FGF14: variants seen among roughly 807,000 people sequenced by gnomAD.
FGF14 encodes the protein fibroblast growth factor 14, also known as fibroblast growth factor homologous factor 4.
In FGF14, 5 loss-of-function variants were observed where a neutral mutation model predicts 25.5. That is an observed-to-expected ratio of 0.20 (90% confidence interval 0.10 to 0.41). The LOEUF is 0.41. Among genes scored for constraint, FGF14 ranks in the 10% least tolerant of loss-of-function variants. FGF14 has a pLI of 1.00. For synonymous variants in FGF14, 138 were observed against 118.3 expected (o/e 1.17, Z -1.08); for missense variants, 222 against 320.1 (o/e 0.69, Z 2.34).
intron 3 of FGF14, among the ~76,000 whole-genome samples, chr13:101,862,311 A>T (rs1251334743): frequency 6.6e-6 from 1 of 151,698 alleles, no homozygotes; most frequent in Non-Finnish European, 1.5e-5. Flanking sequence ...AAAGCATCTG[A>T]CTACTGCTGT....
rs2034616515 is a variant in FGF14, at chr13:101,714,315, TA to T, written c.*8515del. On this transcript the variant is annotated 3_prime_UTR_variant, in exon 5 of 5. Coordinates refer to ENST00000376143, the MANE Select transcript of FGF14 (RefSeq NM_004115.4). ...CCCCTCTGAGAAACCAGCCATTCAA[TA>T]CACTTTTACCTTTGGATGATGGGTT... The T allele has an allele frequency of 2.9e-6, 2 of 691,930 alleles. No homozygotes were observed. Among genetic ancestry groups the T allele is most frequent in the Admixed American group, 2.3e-5 (1 of 44,042 alleles). 42.9% of individuals were successfully genotyped at this position (691,930 alleles called of 1,614,324 possible).
At chr13:102,268,488 A>C (rs988047979) in intron 1 of FGF14, among the ~76,000 whole-genome samples, 1 of 152,048 alleles carries the variant, frequency 6.6e-6, no homozygotes, top group African/African-American at 2.4e-5. Context: ...ATAATACATT[A>C]TATACATATA....
intron 1 of FGF14, among the ~76,000 whole-genome samples, chr13:102,267,206 T>C (rs954605054): frequency 6.6e-6 from 1 of 152,198 alleles, no homozygotes. Flanking sequence ...ATTATGTCCA[T>C]GAGGCAGATG....
At chr13:102,262,112 C>A (rs191345690) in intron 1 of FGF14, among the ~76,000 whole-genome samples, 1 of 152,146 alleles carries the variant, frequency 6.6e-6, no homozygotes, top group Non-Finnish European at 1.5e-5. Context: ...TTTAGTATCA[C>A]ACTATTGGGA....
At chr13:101,998,097 T>A (rs1056438913) in intron 1 of FGF14, among the ~76,000 whole-genome samples, 1 of 152,128 alleles carries the variant, frequency 6.6e-6, no homozygotes, top group Non-Finnish European at 1.5e-5. Context: ...CTAATTGGGT[T>A]AAGATATCAT....
intron 1 of FGF14, among the ~76,000 whole-genome samples, chr13:102,113,799 G>T (rs1288451242): frequency 6.6e-6 from 1 of 152,144 alleles, no homozygotes; most frequent in Non-Finnish European, 1.5e-5. Flanking sequence ...TTACACTGAA[G>T]AAAACTATTT....
intron 1 of FGF14, among the ~76,000 whole-genome samples, chr13:102,240,941 G>A (rs1032287894): frequency 1.3e-4 from 20 of 152,048 alleles, no homozygotes; most frequent in African/African-American, 4.6e-4. Flanking sequence ...ATCATTAGGA[G>A]AAAAGGCAAA....
intron 1 of FGF14, among the ~76,000 whole-genome samples, chr13:102,269,432 A>C (rs961414084): frequency 2.0e-5 from 3 of 152,230 alleles, no homozygotes; most frequent in African/African-American, 7.2e-5. Flanking sequence ...CTCTTATAAA[A>C]ACAGTATTAA....
At chr13:101,971,866 G>A (rs2037616402) in intron 1 of FGF14, among the ~76,000 whole-genome samples, 1 of 152,180 alleles carries the variant, frequency 6.6e-6, no homozygotes, top group South Asian at 2.1e-4. Context: ...ATAACACAGT[G>A]CAGCCAATAC....
intron 1 of FGF14, among the ~76,000 whole-genome samples, chr13:101,995,836 G>C (rs1328603195): frequency 6.6e-6 from 1 of 152,138 alleles, no homozygotes; most frequent in East Asian, 1.9e-4. Flanking sequence ...ATAGAGGGTA[G>C]AAGAATTGTT....
rs146647051 is a variant in FGF14 at position 102,330,739 on chromosome 13, T to C, written c.208+70732A>G. Among the ~76,000 whole-genome samples, 824 of 152,218 alleles carry C rather than the reference T, an allele frequency of 5.4e-3. 4 individuals are homozygous for C. Among genetic ancestry groups the C allele is most frequent in the Admixed American group, 9.0e-3 (137 of 15,282 alleles). ...ACTGCAAGCTCCACACCCCTGATCA[T>C]CACTCCCTCCTCCCTTCATGGCCTC... On this transcript the variant is annotated intron_variant, in intron 1 of 4. Transcript: ENST00000376131.
intron 3 of FGF14, among the ~76,000 whole-genome samples, chr13:101,788,422 T>C (rs1170151399): frequency 6.6e-6 from 1 of 152,156 alleles, no homozygotes; most frequent in Non-Finnish European, 1.5e-5. Context: ...GCATCCTCCC[T>C]ATGGGAAACT....
chr13:102,400,004 A>C lies in FGF14; in HGVS notation c.208+1467T>G, dbSNP rs1206754775. On this transcript the variant is annotated intron_variant, in intron 1 of 4. Coordinates refer to the FGF14 transcript ENST00000376131. This position sits in a 1 kb window ranked among gnomAD's most constrained non-coding sequence, Gnocchi z 4.3. ...TCGCAGTTTCTCCTTTGCTGCAGGA[A>C]TGGTGGCCGCAAACGGTCTCAGCCT... 1.3e-5 allele frequency among the ~76,000 whole-genome samples: 2 copies of C among 152,152 alleles called. No individual in the cohort carries two copies. Among genetic ancestry groups the C allele is most frequent in the African/African-American group, 2.4e-5 (1 of 41,448 alleles).
chr13:102,161,649 G>C lies in FGF14; in HGVS notation c.208+239822C>G, dbSNP rs1283225869. Among the ~76,000 whole-genome samples, 94 of 14,990 alleles carry C rather than the reference G, an allele frequency of 6.3e-3. 4 individuals carry two copies. Among genetic ancestry groups the C allele is most frequent in the Non-Finnish European group, 9.9e-3 (62 of 6,266 alleles). 9.8% of individuals were successfully genotyped at this position (14,990 alleles called of 152,430 possible). A position where few individuals can be genotyped will look rare whatever the true frequency, so the allele number is the denominator to read the frequency against. On this transcript the variant is annotated intron_variant, in intron 1 of 4. Coordinates refer to the FGF14 transcript ENST00000376131. ...AGAAGAAGAAGAAGAAGAAGAAGAAGAAGAAGAAGAAGAAGAAGAAGAAGA... is the reference window on the plus strand; with the variant it reads ...AGAAGAAGAAGAAGAAGAAGAAGAACAAGAAGAAGAAGAAGAAGAAGAAGA...
At chr13:101,912,604 A>G (rs2033059870) in intron 1 of FGF14, among the ~76,000 whole-genome samples, 1 of 152,156 alleles carries the variant, frequency 6.6e-6, no homozygotes, top group South Asian at 2.1e-4. Context: ...TGGCTAAATC[A>G]ATATATGTAA....
chr13:102,211,908 G>A (rs1174393965), intron 1 of FGF14, among the ~76,000 whole-genome samples: 1 of 152,188 alleles, frequency 6.6e-6, no homozygotes, highest in African/African-American at 2.4e-5. Context: ...AATTTGACAT[G>A]CATATAATTT....
intron 1 of FGF14, chr13:102,003,091 T>G (rs900999379): frequency 6.6e-6 from 1 of 152,162 alleles, no homozygotes. Flanking sequence ...GGAAAATTAT[T>G]CATAGATACA....
intron 3 of FGF14, among the ~76,000 whole-genome samples, chr13:101,799,099 A>G (rs1228287893): frequency 6.6e-6 from 1 of 152,152 alleles, no homozygotes; most frequent in Non-Finnish European, 1.5e-5. Flanking sequence ...CGAATTTTTT[A>G]TGCAACATGA....
intron 3 of FGF14, among the ~76,000 whole-genome samples, chr13:101,803,190 A>C (rs2040993640): frequency 6.7e-6 from 1 of 148,486 alleles, no homozygotes; most frequent in Non-Finnish European, 1.5e-5. Context: ...GTGCAGGAGC[A>C]TGATCACAGT....
Sources: gnomAD v4.1 joint callset for allele counts (sites outside exome capture counted in the v4.1 genomes callset) on GRCh38, gnomAD v4.1.1 for gene constraint, Gnocchi (gnomAD v3.1) non-coding constraint, MANE v1.5 for transcripts, NCBI Gene and HGNC (gene_info 2026-07-23, HGNC 2026-07-21) for gene names.